Variants in ZFYVE28 observed in about 807,000 individuals in gnomAD.
ZFYVE28 encodes the protein zinc finger FYVE-type containing 28.
In ZFYVE28, 40 loss-of-function variants were observed where a neutral mutation model predicts 82.1. That is an observed-to-expected ratio of 0.49 (90% CI 0.38 to 0.63). ZFYVE28 has a LOEUF of 0.63. Among genes scored for constraint, ZFYVE28 ranks in the 30% least tolerant of loss-of-function variants. The probability of loss-of-function intolerance (pLI) is 0.00; values close to 1 mark genes in which losing one functional copy is unlikely to be tolerated. For synonymous variants in ZFYVE28, 612 were observed against 546.1 expected, an observed-to-expected ratio of 1.12 and a Z score of -1.68; for missense variants, 1,321 against 1,242.1, an observed-to-expected ratio of 1.06 and a Z score of -0.96.
chr4:2,273,370 A>C (rs1577846384), intron 9 of ZFYVE28, 81 bp from the exon 10 acceptor site: 2 of 1,251,332 alleles, frequency 1.6e-6, no homozygotes, highest in Non-Finnish European at 1.1e-6. Flanking sequence ...GGCTGGGCAG[A>C]CCCAGCCAGA....
chr4:2,385,484 C>A (rs557266932), intron 1 of ZFYVE28, among the ~76,000 whole-genome samples: 8 of 152,338 alleles, frequency 5.3e-5, no homozygotes, highest in Non-Finnish European at 1.2e-4. Flanking sequence ...GAGACTAGGT[C>A]TCTGGACTGT....
chr4:2,347,497 A>C (rs1260243730), intron 2 of ZFYVE28, among the ~76,000 whole-genome samples: 1 of 152,232 alleles, frequency 6.6e-6, no homozygotes, highest in African/African-American at 2.4e-5. Flanking sequence ...ACATATACCA[A>C]GAAAGACCAA....
chr4:2,270,833 C>A lies in ZFYVE28; in HGVS notation c.2556G>T (p.Ser852=), dbSNP rs780888851. ...CGKIFCSRCS[S]HSAPLPRYGQ... is the part of the protein sequence containing the mutation. ...CGTAGCGGGGCAGCGGTGCTGAGTGCGAGGAGCAGCGCGAGCAGAAGATCT... is the reference window on the plus strand; with the variant it reads ...CGTAGCGGGGCAGCGGTGCTGAGTGAGAGGAGCAGCGCGAGCAGAAGATCT... Residue 852 remains serine, a synonymous_variant, in exon 13 of 13, where the codon TCG becomes TCT. Coordinates refer to ENST00000290974, the MANE Select transcript of ZFYVE28 (RefSeq NM_020972.3). The A allele has an allele frequency of 6.2e-7, 1 of 1,612,886 alleles. No individual in the cohort carries two copies. The highest frequency in any genetic ancestry group is 1.1e-5 in the South Asian group (1 of 91,078).
intron 7 of ZFYVE28, among the ~76,000 whole-genome samples, chr4:2,309,334 T>C (rs1054752813): frequency 8.5e-5 from 13 of 152,200 alleles, no homozygotes; most frequent in African/African-American, 3.1e-4. Context: ...TCCAGAATCA[T>C]GAGCTAAACG....
chr4:2,410,057 C>T (rs568071131), intron 1 of ZFYVE28, among the ~76,000 whole-genome samples: 4 of 152,316 alleles, frequency 2.6e-5, no homozygotes, highest in African/African-American at 7.2e-5. Flanking sequence ...CACCTTTTCC[C>T]TTGATTATCT....
chr4:2,396,154 C>T lies in ZFYVE28; in HGVS notation c.39+22131G>A, dbSNP rs376352769. Among the ~76,000 whole-genome samples the T allele has an allele frequency of 1.7e-3, 100 of 59,296 alleles. 13 individuals carry two copies. The highest frequency in any genetic ancestry group is 0.016 in the East Asian group (20 of 1,266). 38.9% of individuals were successfully genotyped at this position (59,296 alleles called of 152,430 possible). On this transcript the variant is annotated intron_variant, in intron 1 of 12. Coordinates refer to ENST00000290974, the MANE Select transcript of ZFYVE28 (RefSeq NM_020972.3). ...GGGTGTCTGAGCTGATGGGACCAGC[C>T]ATCCTGCAGAGGGGACACAAGGTGG...
Position 2,335,306 on chromosome 4 carries a change from G to A in ZFYVE28, c.701+399C>T, listed in dbSNP as rs1411120848. 6.6e-6 allele frequency among the ~76,000 whole-genome samples: 1 copy of A among 152,130 alleles called. No homozygotes were observed. The highest frequency in any genetic ancestry group is 1.5e-5 in the Non-Finnish European group (1 of 68,030). ...AGCCTCCTGAGGGACCCGGGGGGCA[G>A]CTCGTCCTCTTGTTACCACCAAGTC... On this transcript the variant is annotated intron_variant, in intron 6 of 12. Coordinates refer to ENST00000290974, the MANE Select transcript of ZFYVE28 (RefSeq NM_020972.3). The surrounding 1 kb of genome is among the most constrained non-coding windows in gnomAD (Gnocchi z 5.8).
intron 1 of ZFYVE28, among the ~76,000 whole-genome samples, chr4:2,415,543 A>C (rs1732952347): frequency 6.6e-6 from 1 of 152,188 alleles, no homozygotes; most frequent in Non-Finnish European, 1.5e-5. Flanking sequence ...TCAATTAAAA[A>C]TTCAGTTTGA....
chr4:2,288,113 C>G (rs1373818945), intron 8 of ZFYVE28, among the ~76,000 whole-genome samples: 2 of 152,174 alleles, frequency 1.3e-5, no homozygotes, highest in Admixed American at 1.3e-4. Flanking sequence ...ACCCCCACGA[C>G]AGCAAGGCAC....
chr4:2,365,807 A>G (rs1293911738), intron 1 of ZFYVE28, among the ~76,000 whole-genome samples: 1 of 152,122 alleles, frequency 6.6e-6, no homozygotes, highest in African/African-American at 2.4e-5. Context: ...CCCCAACTGG[A>G]CCACCTGCAG....
intron 2 of ZFYVE28, among the ~76,000 whole-genome samples, chr4:2,350,034 GAC>G (rs71644325): frequency 0.072 from 10,634 of 148,664 alleles, 1,204 homozygotes; most frequent in African/African-American, 0.24. Context: ...GTGACACACA[GAC>G]ACACACACAC....
intron 7 of ZFYVE28, among the ~76,000 whole-genome samples, chr4:2,311,416 C>T (rs552909461): frequency 1.3e-5 from 2 of 152,188 alleles, no homozygotes; most frequent in African/African-American, 4.8e-5. Context: ...ATTCCAGCTA[C>T]TTGGGAGGCT....
intron 1 of ZFYVE28, among the ~76,000 whole-genome samples, chr4:2,405,604 G>T (rs1016166489): frequency 2.0e-5 from 3 of 152,250 alleles, no homozygotes; most frequent in Non-Finnish European, 4.4e-5. Flanking sequence ...AGGTCAGAGG[G>T]AAGGGGCCGG....
intron 1 of ZFYVE28, among the ~76,000 whole-genome samples, chr4:2,414,821 G>A (rs1353936243): frequency 2.0e-5 from 3 of 152,166 alleles, no homozygotes; most frequent in African/African-American, 4.8e-5. Context: ...TCATAACCAA[G>A]CAAGAAACAC....
intron 8 of ZFYVE28, among the ~76,000 whole-genome samples, chr4:2,282,285 C>CA (rs1712067078): frequency 6.6e-6 from 1 of 152,264 alleles, no homozygotes; most frequent in Admixed American, 6.5e-5. Context: ...TATGAAATGT[C>CA]ATTCTCTGGT....
intron 7 of ZFYVE28, among the ~76,000 whole-genome samples, chr4:2,314,810 T>A (rs373495148): frequency 6.6e-6 from 1 of 152,196 alleles, no homozygotes; most frequent in South Asian, 2.1e-4. Flanking sequence ...AGACAGGGCC[T>A]CACTGTCATC....
chr4:2,330,718 G>A (rs1398152940), intron 6 of ZFYVE28: 3 of 1,469,464 alleles, frequency 2.0e-6, no homozygotes, highest in Non-Finnish European at 2.7e-6. Flanking sequence ...CAGCGTGGAG[G>A]AGGAAACATC....
At position 2,271,378 on chromosome 4, in the gene ZFYVE28, A is replaced by G; in HGVS notation, c.2465T>C (p.Phe822Ser). The part of the protein sequence containing the change: ...PEWVPDEACG[F>S]CTACKAPFTV... ...GAAGGGTGCTTTGCACGCCGTGCAG[A>G]AGCCACAGGCCTCGTCTGGCACCCA... The change falls in exon 12 of 13, where the codon TTC becomes TCC. Residue 822 changes from phenylalanine (F) to serine (S), a missense_variant. Physicochemically the swap from Phe to Ser is radical, Grantham distance 155. Around this residue, in one of 2 missense-constraint regions of ZFYVE28, gnomAD observed 978 missense variants for 833.7 expected, o/e 1.17. Coordinates refer to ENST00000290974, the MANE Select transcript of ZFYVE28 (RefSeq NM_020972.3). The G allele has an allele frequency of 6.2e-7, 1 of 1,612,872 alleles. No homozygotes were observed. The highest frequency in any genetic ancestry group is 8.5e-7 in the Non-Finnish European group (1 of 1,179,950).
At chr4:2,363,484 C>A (rs1229976668) in intron 1 of ZFYVE28, among the ~76,000 whole-genome samples, 1 of 104,514 alleles carries the variant, frequency 9.6e-6, no homozygotes, top group Non-Finnish European at 2.1e-5. Flanking sequence ...GTCACGTGGT[C>A]CCTGAGGGCT....
Sources: gnomAD v4.1 joint callset for allele counts (sites outside exome capture counted in the v4.1 genomes callset) on GRCh38, gnomAD v4.1.1 for gene constraint, gnomAD v4.1.1 regional missense constraint, Gnocchi (gnomAD v3.1) non-coding constraint, MANE v1.5 for transcripts, NCBI Gene and HGNC (gene_info 2026-07-23, HGNC 2026-07-21) for gene names.